The following DMD variants were observed in gnomAD, a reference collection of about 807,000 sequenced individuals.
The protein encoded by DMD is mutant dystrophin.
DMD carries 63 observed loss-of-function variants against 330.1 expected under a neutral mutation model. The observed-to-expected ratio is 0.19, with a 90% CI of 0.16 to 0.24. DMD has a LOEUF of 0.24. DMD is among the 10% of genes least tolerant of loss of function. DMD has a pLI of 1.00. For synonymous variants in DMD, 1,223 were observed against 959.8 expected, an observed-to-expected ratio of 1.27 and a Z score of -5.07; for missense variants, 3,344 against 2,684.1, an observed-to-expected ratio of 1.25 and a Z score of -5.43.
chrX:31,782,195 C>T (rs960445532), intron 50 of DMD, among the ~76,000 whole-genome samples: 2 of 110,720 alleles, frequency 1.8e-5, no homozygotes, highest in Non-Finnish European at 3.8e-5. Flanking sequence ...TCTCCTCTTG[C>T]ATCTACACTT....
chrX:32,871,293 CCTTA>C (rs1311305713), intron 2 of DMD, among the ~76,000 whole-genome samples: 3 of 111,287 alleles, frequency 2.7e-5, no homozygotes, highest in Admixed American at 9.6e-5. Context: ...AACAAACTCT[CCTTA>C]CTTAGAATTT....
rs758612642 is a variant in DMD, at chrX:32,052,141, T to C, written c.6439-83627A>G. 3.6e-5 allele frequency among the ~76,000 whole-genome samples: 4 copies of C among 111,895 alleles called. No homozygotes were observed. In the East Asian group the frequency reaches 8.5e-4, roughly 24 times the overall value. On this transcript the variant is annotated intron_variant, in intron 44 of 78. Coordinates refer to ENST00000357033, the MANE Select transcript of DMD (RefSeq NM_004006.3). ...AGTTTTCTTAGTTGGGCAGACCATCTAGGCATAGAACCTGAGTAAGTAAAT... is the reference window on the plus strand; with the variant it reads ...AGTTTTCTTAGTTGGGCAGACCATCCAGGCATAGAACCTGAGTAAGTAAAT...
chrX:33,250,110 T>TATATATATATATATATA lies in DMD; in HGVS notation c.7+89148_7+89149insTATATATATATATATAT, dbSNP rs748598265. Among the ~76,000 whole-genome samples the TATATATATATATATATA allele has an allele frequency of 2.8e-3, 271 of 97,831 alleles. 11 individuals carry two copies. The highest frequency in any genetic ancestry group is 0.011 in the African/African-American group (252 of 23,718). 85.0% of individuals were successfully genotyped at this position (97,831 alleles called of 115,157 possible). A position where few individuals can be genotyped will look rare whatever the true frequency, so the allele number is the denominator to read the frequency against. ...TTATATATATATATATATATATATA[T>TATATATATATATATATA]ATCAATGTACACTTGTATGTATGTA... On this transcript the variant is annotated intron_variant, in intron 1 of 17. Transcript: ENST00000288447.
chrX:32,568,673 A>T (rs752477554), intron 15 of DMD, among the ~76,000 whole-genome samples: 2 of 111,845 alleles, frequency 1.8e-5, no homozygotes, highest in African/African-American at 6.5e-5. Context: ...ATGAGTATCA[A>T]AAATGATGAT....
At chrX:32,250,094 C>T (rs111380264) in intron 43 of DMD, among the ~76,000 whole-genome samples, 14,004 of 111,168 alleles carry the variant, frequency 0.13, 710 homozygotes, top group Admixed American at 0.16. Context: ...TGTTTATTTT[C>T]TGATAGCAGA....
At chrX:31,227,887 G>A (rs563609828) in intron 63 of DMD, among the ~76,000 whole-genome samples, 4,810 of 110,051 alleles carry the variant, frequency 0.044, 97 homozygotes, top group Middle Eastern at 0.097. Flanking sequence ...ACTGGATTAA[G>A]AAAATGTGGC....
intron 74 of DMD, among the ~76,000 whole-genome samples, chrX:31,148,919 G>A (rs2037057278): frequency 9.0e-6 from 1 of 111,634 alleles, no homozygotes; most frequent in African/African-American, 3.3e-5. Flanking sequence ...TGTTAGTTAT[G>A]TGCATGGCAA....
chrX:31,158,367 T>A (rs984993384), intron 74 of DMD, among the ~76,000 whole-genome samples: 4 of 112,224 alleles, frequency 3.6e-5, no homozygotes, highest in African/African-American at 1.3e-4. Context: ...TATTGTATTA[T>A]TTCATTTACA....
At chrX:32,460,197 T>A (rs371764109) in intron 25 of DMD, among the ~76,000 whole-genome samples, 3 of 110,490 alleles carry the variant, frequency 2.7e-5, no homozygotes, top group South Asian at 3.9e-4. Context: ...CCAGCTAGGA[T>A]GTATATTGCC....
chrX:33,327,914 G>A (rs1243239935), intron 1 of DMD, among the ~76,000 whole-genome samples: 1 of 111,722 alleles, frequency 9.0e-6, no homozygotes, highest in Non-Finnish European at 1.9e-5. Context: ...CTAAAATAAC[G>A]CATGAACTGC....
rs535397626 is a variant in DMD at position 31,845,375 on chromosome X, G to GTCTCTCTCTCTCTCTCTC, written c.7099-8574_7099-8557dup. ...CAGGTGTTATAGAGGACAGAATAAAGTCTCTCTCTCTCTCTCTCTCTCTCT... is the reference window on the plus strand; with the variant it reads ...CAGGTGTTATAGAGGACAGAATAAAGTCTCTCTCTCTCTCTCTCTCTCTCTCTCTCTCTCTCTCTCTCT... On this transcript the variant is annotated intron_variant, in intron 48 of 78. Coordinates refer to ENST00000357033, the MANE Select transcript of DMD (RefSeq NM_004006.3). Among the ~76,000 whole-genome samples the GTCTCTCTCTCTCTCTCTC allele has an allele frequency of 2.2e-3, 132 of 60,097 alleles. 8 individuals carry two copies. The highest frequency in any genetic ancestry group is 3.1e-3 in the East Asian group (6 of 1,958). The allele number at this position is 60,097 out of a possible 115,157, so 52.2% of individuals were successfully genotyped here.
At chrX:32,409,759 A>G (rs368573428) in intron 30 of DMD, among the ~76,000 whole-genome samples, 1 of 111,819 alleles carries the variant, frequency 8.9e-6, no homozygotes, top group Non-Finnish European at 1.9e-5. Context: ...AGCATTTTTA[A>G]TCAAACATTC....
intron 30 of DMD, among the ~76,000 whole-genome samples, chrX:32,401,038 G>A (rs902276328): frequency 1.8e-5 from 2 of 110,143 alleles, no homozygotes; most frequent in African/African-American, 6.6e-5. Context: ...GTAGGGACAT[G>A]GATGAAGCTG....
At chrX:33,244,590 C>G (rs973748214) in intron 1 of DMD, among the ~76,000 whole-genome samples, 1 of 111,686 alleles carries the variant, frequency 9.0e-6, no homozygotes, top group Non-Finnish European at 1.9e-5. Context: ...GTTTGATTTT[C>G]CCCGAAATGG....
intron 13 of DMD, among the ~76,000 whole-genome samples, chrX:32,581,335 A>T (rs972094619): frequency 6.2e-5 from 7 of 112,294 alleles, no homozygotes; most frequent in African/African-American, 1.9e-4. Flanking sequence ...TAGAGAAAAC[A>T]GGGCAACTTG....
chrX:31,140,627 T>C (rs762563770), intron 76 of DMD, among the ~76,000 whole-genome samples: 1 of 112,551 alleles, frequency 8.9e-6, no homozygotes, highest in African/African-American at 3.2e-5. Context: ...GTGTACAATG[T>C]TGTTGCTGAT....
At chrX:31,812,687 T>C (rs1027414728) in intron 50 of DMD, among the ~76,000 whole-genome samples, 1 of 112,123 alleles carries the variant, frequency 8.9e-6, no homozygotes, top group South Asian at 3.7e-4. Flanking sequence ...CAAATGAAGA[T>C]AACTAAATCA....
At chrX:31,577,817 C>T in intron 55 of DMD, among the ~76,000 whole-genome samples, 1 of 111,566 alleles carries the variant, frequency 9.0e-6, no homozygotes, top group Middle Eastern at 4.7e-3. Context: ...TACATGGATT[C>T]CCTGTCCTAA....
At chrX:32,377,104 A>G (rs2097906365) in intron 34 of DMD, among the ~76,000 whole-genome samples, 1 of 111,485 alleles carries the variant, frequency 9.0e-6, no homozygotes, top group African/African-American at 3.3e-5. Context: ...TTCTTTGCTA[A>G]TTTTGATCTT....
Sources: gnomAD v4.1 joint callset for allele counts (sites outside exome capture counted in the v4.1 genomes callset) on GRCh38, gnomAD v4.1.1 for gene constraint, MANE v1.5 for transcripts, NCBI Gene and HGNC (gene_info 2026-07-23, HGNC 2026-07-21) for gene names.